The following TRAK1 variants were observed in gnomAD, a reference collection of about 807,000 sequenced individuals.
TRAK1 encodes trafficking kinesin protein 1.
Under a neutral mutation model 92.1 loss-of-function variants are expected in TRAK1, and 33 were observed. That is an observed-to-expected ratio of 0.36 (90% CI 0.27 to 0.48). The LOEUF is 0.48. TRAK1 is among the 20% of genes least tolerant of loss of function. The pLI, the probability that TRAK1 is intolerant of heterozygous loss-of-function variation, is 0.99. For missense variants in TRAK1, 1,123 were observed against 1,257.9 expected (o/e 0.89, Z 1.62); for synonymous variants, 521 against 517.3 (o/e 1.01, Z -0.10).
At chr3:42,099,988 C>T (rs892155331) in intron 1 of TRAK1, among the ~76,000 whole-genome samples, 3 of 151,942 alleles carry the variant, frequency 2.0e-5, no homozygotes, top group African/African-American at 7.3e-5. Context: ...TCTAGTGGGC[C>T]AGAGATGCAC....
At chr3:42,029,410 G>C (rs1414817006) in intron 1 of TRAK1, among the ~76,000 whole-genome samples, 1 of 131,218 alleles carries the variant, frequency 7.6e-6, no homozygotes, top group Non-Finnish European at 1.7e-5. Flanking sequence ...GGCTAATTTT[G>C]CTTGTTTTTT....
chr3:42,073,824 T>G (rs1029614414), intron 1 of TRAK1, among the ~76,000 whole-genome samples: 14 of 152,184 alleles, frequency 9.2e-5, no homozygotes, highest in Admixed American at 7.9e-4. Context: ...AGGAGAGTGG[T>G]AAGATGAAAG....
At chr3:42,047,874 A>G (rs9815291) in intron 1 of TRAK1, among the ~76,000 whole-genome samples, 20,665 of 150,374 alleles carry the variant, frequency 0.14, 2,019 homozygotes, top group African/African-American at 0.27. Flanking sequence ...CATCAAGGCA[A>G]TCATATGCAC....
intron 1 of TRAK1, among the ~76,000 whole-genome samples, chr3:42,073,059 T>G (rs978633300): frequency 6.6e-6 from 1 of 152,232 alleles, no homozygotes; most frequent in Admixed American, 6.5e-5. Flanking sequence ...CAGACACGCA[T>G]GACAGCATGC....
chr3:42,144,251 C>A (rs1235627142), intron 2 of TRAK1, among the ~76,000 whole-genome samples: 1 of 139,532 alleles, frequency 7.2e-6, no homozygotes, highest in East Asian at 2.2e-4. Context: ...TTGTTCATTT[C>A]CTGGCTTATT....
intron 14 of TRAK1, chr3:42,217,499 A>C: frequency 3.0e-6 from 3 of 985,386 alleles, no homozygotes; most frequent in Non-Finnish European, 3.6e-6. Flanking sequence ...CTACGTCTCT[A>C]AAATGTCCAT....
chr3:42,095,274 C>T (rs189525487), intron 1 of TRAK1, among the ~76,000 whole-genome samples: 2 of 152,258 alleles, frequency 1.3e-5, no homozygotes, highest in South Asian at 2.1e-4. Flanking sequence ...ACCACCTTCA[C>T]GTTTGAGGAG....
chr3:42,191,205 A>C (rs551087729), intron 6 of TRAK1, among the ~76,000 whole-genome samples: 11 of 152,314 alleles, frequency 7.2e-5, no homozygotes, highest in African/African-American at 2.6e-4. Context: ...TGCGGGTCAC[A>C]GAGCATCCAT....
chr3:42,101,252 C>T (rs55638798), intron 1 of TRAK1, among the ~76,000 whole-genome samples: 1,911 of 152,310 alleles, frequency 0.013, 45 homozygotes, highest in African/African-American at 0.044. Flanking sequence ...GGAGTTATGC[C>T]GGCCACAGCG....
chr3:42,029,203 A>T (rs528567399), intron 1 of TRAK1, among the ~76,000 whole-genome samples: 2 of 152,290 alleles, frequency 1.3e-5, no homozygotes, highest in African/African-American at 4.8e-5. Context: ...CACCTCCAGC[A>T]TTGGGGATTA....
In TRAK1 at chr3:42,224,223, C is replaced by T. The variant is rs916926684; in HGVS notation, c.*486C>T. ...TGTAGGAGCGTAAGGAGCCTCCATCCTCAGCCACGTGCAGCTGACGTGGCT... is the reference window on the plus strand; with the variant it reads ...TGTAGGAGCGTAAGGAGCCTCCATCTTCAGCCACGTGCAGCTGACGTGGCT... On this transcript the variant is annotated 3_prime_UTR_variant, in exon 16 of 16. Coordinates refer to ENST00000327628, the MANE Select transcript of TRAK1 (RefSeq NM_001042646.3). 15 of 375,212 alleles carry T rather than the reference C, an allele frequency of 4.0e-5. No individual in the cohort carries two copies. The highest frequency in any genetic ancestry group is 6.7e-5 in the Non-Finnish European group (13 of 194,578). 23.2% of individuals were successfully genotyped at this position (375,212 alleles called of 1,614,324 possible).
rs1702145687 is a variant in TRAK1, at chr3:42,031,463, A to G, written c.-519+17346A>G. ...TTGATAGCAACATAGCGAGACCCCC[A>G]TCTCCACAAAAAATAAAAAAGTTAG... On this transcript the variant is annotated intron_variant, in intron 1 of 16. Coordinates refer to the TRAK1 transcript ENST00000487159. Among the ~76,000 whole-genome samples, 3 of 151,670 alleles carry G rather than the reference A, an allele frequency of 2.0e-5. No individual in the cohort carries two copies. In the South Asian group the frequency reaches 6.3e-4, roughly 32 times the overall value.
In TRAK1 at chr3:42,117,856, T is replaced by G. The variant is rs1219502973; in HGVS notation, c.92-7564T>G. 2.6e-5 allele frequency among the ~76,000 whole-genome samples: 4 copies of G among 151,850 alleles called. No individual in the cohort carries two copies. The East Asian group carries it at 5.8e-4, about 22-fold the overall frequency. On this transcript the variant is annotated intron_variant, in intron 1 of 15. Coordinates refer to ENST00000327628, the MANE Select transcript of TRAK1 (RefSeq NM_001042646.3). ...TTTTTTGAGACTGAGTCTAGCTCTG[T>G]CATCAGGCTGGAATGCAGTGGCCTG...
intron 2 of TRAK1, among the ~76,000 whole-genome samples, chr3:42,143,163 A>G (rs1040670870): frequency 6.6e-6 from 1 of 152,036 alleles, no homozygotes; most frequent in African/African-American, 2.4e-5. Context: ...GTTTGTTTTT[A>G]ATATCATGAA....
At chr3:42,072,379 C>CCATT (rs1703970399) in intron 1 of TRAK1, among the ~76,000 whole-genome samples, 1 of 151,908 alleles carries the variant, frequency 6.6e-6, no homozygotes, top group African/African-American at 2.4e-5. Flanking sequence ...AAGCTCTGCT[C>CCATT]GTAAAGGTTC....
At chr3:42,059,868 C>T (rs1330162144) in intron 1 of TRAK1, among the ~76,000 whole-genome samples, 3 of 152,142 alleles carry the variant, frequency 2.0e-5, no homozygotes, top group East Asian at 3.8e-4. Context: ...CCTTTGACTT[C>T]ACAGATCATT....
At chr3:42,122,786 C>T (rs1710055168) in intron 1 of TRAK1, among the ~76,000 whole-genome samples, 1 of 152,114 alleles carries the variant, frequency 6.6e-6, no homozygotes, top group Non-Finnish European at 1.5e-5. Context: ...ATTGCTCTGC[C>T]TGGGGGAGGA....
chr3:42,048,572 T>C lies in TRAK1; in HGVS notation c.-519+34455T>C, dbSNP rs867568266. Among the ~76,000 whole-genome samples the C allele has an allele frequency of 8.7e-4, 131 of 151,332 alleles. 1 individual carries two copies. In the Middle Eastern group the frequency reaches 0.014, roughly 16 times the overall value. ...TTTCCTCTACAGTTCTTTTCTTTTT[T>C]TTTTTTTTTGAGACAGTGTCTTTGT... On this transcript the variant is annotated intron_variant, in intron 1 of 16. Coordinates refer to the TRAK1 transcript ENST00000487159.
At chr3:42,100,429 ATCT>A (rs1440705374) in intron 1 of TRAK1, among the ~76,000 whole-genome samples, 11 of 152,298 alleles carry the variant, frequency 7.2e-5, no homozygotes, top group Admixed American at 2.0e-4. Context: ...AAGAAAAGAA[ATCT>A]TCTCCCATCT....
Sources: allele counts gnomAD v4.1 joint callset (sites outside exome capture counted in the v4.1 genomes callset), GRCh38; gene constraint gnomAD v4.1.1; transcripts MANE v1.5; gene names NCBI Gene and HGNC (gene_info 2026-07-23, HGNC 2026-07-21).